TUSC3: variants seen among roughly 807,000 people sequenced by gnomAD.
TUSC3 encodes tumor suppressor candidate 3.
In TUSC3, 45 loss-of-function variants were observed where a neutral mutation model predicts 44.8. That is an observed-to-expected ratio of 1.00 (90% CI 0.79 to 1.29). TUSC3 has a LOEUF of 1.29. Among genes scored for constraint, TUSC3 ranks in the 50% most tolerant of loss-of-function variants. TUSC3 has a pLI of 0.00. For synonymous variants in TUSC3, 212 were observed against 152.9 expected (o/e 1.39, Z -2.85); for missense variants, 519 against 437.9 (o/e 1.19, Z -1.65).
chr8:15,753,812 C>A (rs1182806898), intron 9 of TUSC3, among the ~76,000 whole-genome samples: 1 of 151,980 alleles, frequency 6.6e-6, no homozygotes, highest in East Asian at 1.9e-4. Flanking sequence ...AAAAACCTGA[C>A]AGTACAGGGA....
chr8:15,427,500 G>A (rs563051169), intron 1 of TUSC3, among the ~76,000 whole-genome samples: 35 of 152,260 alleles, frequency 2.3e-4, no homozygotes, highest in Non-Finnish European at 3.8e-4. Context: ...GCTAACACCA[G>A]ATGCCAGAAG....
chr8:15,689,118 G>C (rs531197957), intron 6 of TUSC3: 27 of 380,372 alleles, frequency 7.1e-5, no homozygotes, highest in African/African-American at 5.9e-4. Context: ...GTCTTGTCTT[G>C]CACGCCATTC....
intron 2 of TUSC3, among the ~76,000 whole-genome samples, chr8:15,515,907 G>A (rs1801210524): frequency 1.3e-5 from 2 of 151,978 alleles, no homozygotes; most frequent in South Asian, 4.2e-4. Context: ...CTGACCTTGT[G>A]ATCCACCTTC....
intron 6 of TUSC3, among the ~76,000 whole-genome samples, chr8:15,723,311 C>T (rs2129205061): frequency 6.6e-6 from 1 of 152,266 alleles, no homozygotes; most frequent in Non-Finnish European, 1.5e-5. Flanking sequence ...TTATTGCTGA[C>T]ACCTCACAGA....
intron 2 of TUSC3, among the ~76,000 whole-genome samples, chr8:15,504,648 G>GC (rs1325070128): frequency 1.6e-5 from 1 of 62,548 alleles, no homozygotes; most frequent in Non-Finnish European, 3.5e-5. Context: ...TTTTTAAGTG[G>GC]GTTTTTTTTT....
At chr8:15,637,570 T>A (rs1806144444) in intron 2 of TUSC3, among the ~76,000 whole-genome samples, 1 of 152,264 alleles carries the variant, frequency 6.6e-6, no homozygotes, top group South Asian at 2.1e-4. Flanking sequence ...GGAAATTTTT[T>A]ATCAGTTGAA....
Position 15,572,193 on chromosome 8 carries a change from C to T in TUSC3, c.138+31625C>T, listed in dbSNP as rs183361563. Among the ~76,000 whole-genome samples, 97 of 152,268 alleles carry T rather than the reference C, an allele frequency of 6.4e-4. 1 individual carries two copies. Among genetic ancestry groups the T allele is most frequent in the Non-Finnish European group, 1.2e-3 (79 of 68,010 alleles). On this transcript the variant is annotated intron_variant, in intron 1 of 10. Transcript: ENST00000503731. Reference sequence around the variant, plus strand: ...CTGAACATCCGTTGTTTAGTATACCCGTCTCCATCAATTATGCTAGCTAAA... The same window carrying T: ...CTGAACATCCGTTGTTTAGTATACCTGTCTCCATCAATTATGCTAGCTAAA...
At chr8:15,848,318 T>C in the TUSC3 span, among the ~76,000 whole-genome samples, 6 of 152,230 alleles carry the variant, frequency 3.9e-5, no homozygotes, top group Non-Finnish European at 8.8e-5. Flanking sequence ...CTGTAGAATG[T>C]GCTGACAATA....
intron 6 of TUSC3, among the ~76,000 whole-genome samples, chr8:15,682,481 A>G (rs1453419544): frequency 2.0e-5 from 3 of 151,816 alleles, no homozygotes; most frequent in African/African-American, 7.3e-5. Flanking sequence ...TGTAAGTACA[A>G]CCTCTGCTCT....
intron 2 of TUSC3, among the ~76,000 whole-genome samples, chr8:15,643,474 G>A (rs755833742): frequency 6.6e-5 from 10 of 151,200 alleles, no homozygotes; most frequent in African/African-American, 1.9e-4. Flanking sequence ...CTAACTCTGC[G>A]TATTGTATAC....
At chr8:15,815,212 G>A in the TUSC3 span, among the ~76,000 whole-genome samples, 8 of 152,040 alleles carry the variant, frequency 5.3e-5, no homozygotes, top group African/African-American at 1.7e-4. Flanking sequence ...GGTATTGCAC[G>A]AGGTGGATAT....
chr8:15,784,561 C>T, the TUSC3 span, among the ~76,000 whole-genome samples: 4 of 151,666 alleles, frequency 2.6e-5, no homozygotes, highest in African/African-American at 9.7e-5. Context: ...CACACACACA[C>T]CGTGGAATAC....
the TUSC3 span, among the ~76,000 whole-genome samples, chr8:15,782,291 A>G: frequency 5.3e-5 from 8 of 152,136 alleles, no homozygotes; most frequent in Non-Finnish European, 1.0e-4. Context: ...TCGGTGACAT[A>G]GCAAGACTCC....
chr8:15,594,983 T>C (rs975436529), intron 1 of TUSC3, among the ~76,000 whole-genome samples: 1 of 152,112 alleles, frequency 6.6e-6, no homozygotes, highest in African/African-American at 2.4e-5. Context: ...CCCTAGGTTT[T>C]ATACTTCGGG....
At chr8:15,417,612 AAAG>A (rs1282510132) in intron 1 of TUSC3, among the ~76,000 whole-genome samples, 2 of 152,324 alleles carry the variant, frequency 1.3e-5, no homozygotes, top group East Asian at 3.9e-4. Flanking sequence ...GGAACGTTGT[AAAG>A]AAGGAGTTAG....
Position 15,576,296 on chromosome 8 carries a change from T to A in TUSC3, c.138+35728T>A, listed in dbSNP as rs545447646. On this transcript the variant is annotated intron_variant, in intron 1 of 10. Transcript: ENST00000503731. ...GTCCTCTTGTTTTTTTTTTTTATTT[T>A]TTTATTTTTTTATTTATTTATTTTT... Among the ~76,000 whole-genome samples the A allele has an allele frequency of 3.5e-3, 513 of 148,004 alleles. 6 individuals carry two copies. Among genetic ancestry groups the A allele is most frequent in the African/African-American group, 0.012 (480 of 40,758 alleles).
the TUSC3 span, among the ~76,000 whole-genome samples, chr8:15,815,391 A>G: frequency 6.6e-6 from 1 of 152,172 alleles, no homozygotes; most frequent in African/African-American, 2.4e-5. Context: ...ATAATAAGTG[A>G]TATTTAGTCT....
chr8:15,772,404 C>T, the TUSC3 span, among the ~76,000 whole-genome samples: 1 of 151,996 alleles, frequency 6.6e-6, no homozygotes, highest in East Asian at 1.9e-4. Flanking sequence ...AACTGTATAC[C>T]AAAAGTTAAA....
the TUSC3 span, among the ~76,000 whole-genome samples, chr8:15,821,506 C>A: frequency 3.3e-5 from 5 of 151,836 alleles, no homozygotes; most frequent in East Asian, 7.8e-4. Flanking sequence ...CTGATTCCTA[C>A]ACAGAATTAA....
Sources: allele counts gnomAD v4.1 joint callset (sites outside exome capture counted in the v4.1 genomes callset), GRCh38; gene constraint gnomAD v4.1.1; transcripts MANE v1.5; gene names NCBI Gene and HGNC (gene_info 2026-07-23, HGNC 2026-07-21).